The following ACAD11 variants were observed in gnomAD, a reference collection of about 807,000 sequenced individuals.
ACAD11 encodes the protein acyl-CoA dehydrogenase family member 11, also known as acyl-Coenzyme A dehydrogenase family, member 11.
A neutral mutation model predicts 102.2 loss-of-function variants in ACAD11; 83 were observed. The observed-to-expected ratio is 0.81, with a 90% confidence interval of 0.68 to 0.97. ACAD11 has a LOEUF of 0.97. Ranked by LOEUF, ACAD11 falls within the 50% of genes least tolerant of loss-of-function variation. The pLI is 0.00. For missense variants in ACAD11, 901 were observed against 951.7 expected (o/e 0.95, Z 0.70); for synonymous variants, 324 against 319.8 (o/e 1.01, Z -0.14).
intron 5 of ACAD11, 57 bp downstream of exon 5, chr3:132,639,435 T>C: frequency 1.3e-6 from 2 of 1,540,236 alleles, no homozygotes. Context: ...AGCATTTACT[T>C]AGTACTGTGT....
At chr3:132,643,448 G>A (rs1940598351) in intron 2 of ACAD11, among the ~76,000 whole-genome samples, 1 of 152,168 alleles carries the variant, frequency 6.6e-6, no homozygotes, top group Admixed American at 6.5e-5. Flanking sequence ...TAGGACAGAT[G>A]CACAGGCTAT....
At position 132,619,485 on chromosome 3, in the gene ACAD11, C is replaced by G; in HGVS notation, c.1258G>C (p.Val420Leu). 1.3e-6 allele frequency: 2 copies of G among 1,592,162 alleles called. No homozygotes were observed. The highest frequency in any genetic ancestry group is 1.7e-6 in the Non-Finnish European group (2 of 1,171,446). Residue 420 changes from valine to leucine, a missense_variant, in exon 10 of 20, where the codon GTG becomes CTG. By Grantham distance (32) the Val-to-Leu change is conservative. Transcript: ENST00000264990. ...NSVDKWGKPL[V>L]IDKLKEMAKV... is the part of the protein sequence containing the mutation. ...TTTCTTACCTTGAGTTTATCAATCA[C>G]TAAAGGTTTTCCCCACTTGTCCACT... is the stretch of plus-strand genomic sequence containing the variant.
At chr3:132,587,474 T>A (rs974626721) in intron 13 of ACAD11, among the ~76,000 whole-genome samples, 1 of 151,974 alleles carries the variant, frequency 6.6e-6, no homozygotes, top group African/African-American at 2.4e-5. Flanking sequence ...TTATTTTTTA[T>A]GTTTTCTATT....
At chr3:132,641,838 T>G in intron 4 of ACAD11, 134 bp downstream of exon 4, 1 of 736,268 alleles carries the variant, frequency 1.4e-6, no homozygotes, top group Non-Finnish European at 2.1e-6. Flanking sequence ...TAAAAACTAG[T>G]CATTCTGAAG....
rs1238368351 is a variant in ACAD11, at chr3:132,576,953, G to C, written c.1837C>G (p.Leu613Val). 1.1e-5 allele frequency: 18 copies of C among 1,606,616 alleles called. No homozygotes were observed. The highest frequency in any genetic ancestry group is 1.4e-5 in the Non-Finnish European group (17 of 1,173,832). ...FNQVRVPATNLILGEGRGFEI... is the reference protein window; with the variant it reads ...FNQVRVPATNVILGEGRGFEI... Reference sequence around the variant, plus strand: ...TCCAAATTCAACTCACCTAGTATTAGATTTGTGGCAGGAACTCGCACTTGA... The same window carrying C: ...TCCAAATTCAACTCACCTAGTATTACATTTGTGGCAGGAACTCGCACTTGA... The change falls in exon 16 of 20, where the codon CTA becomes GTA. Residue 613 changes from leucine to valine, a missense_variant. Physicochemically the swap from Leu to Val is conservative, Grantham distance 32. Transcript: ENST00000264990.
chr3:132,629,891 A>G (rs1939967098), intron 7 of ACAD11, among the ~76,000 whole-genome samples: 1 of 120,032 alleles, frequency 8.3e-6, no homozygotes, highest in Non-Finnish European at 1.8e-5. Context: ...ATGTAATTAG[A>G]AAAAAACCCT....
intron 7 of ACAD11, among the ~76,000 whole-genome samples, chr3:132,629,439 C>T (rs751596972): frequency 6.6e-6 from 1 of 152,164 alleles, no homozygotes; most frequent in African/African-American, 2.4e-5. Flanking sequence ...GGATTACAGG[C>T]GTGAGCCACC....
At chr3:132,641,694 AAGAG>A (rs1940525151) in intron 4 of ACAD11, among the ~76,000 whole-genome samples, 4 of 135,148 alleles carry the variant, frequency 3.0e-5, no homozygotes, top group African/African-American at 1.2e-4. Context: ...GAGGAAGAGG[AAGAG>A]GAAGAAGAAG....
At chr3:132,623,368 T>C (rs1025839108) in intron 9 of ACAD11, among the ~76,000 whole-genome samples, 1 of 152,184 alleles carries the variant, frequency 6.6e-6, no homozygotes, top group Non-Finnish European at 1.5e-5. Context: ...ATATAGATTT[T>C]TCCCTCTTTG....
chr3:132,559,849 A>G lies in ACAD11; in HGVS notation c.2212T>C (p.Tyr738His). 1 of 1,613,254 alleles carries G rather than the reference A, an allele frequency of 6.2e-7. No individual in the cohort carries two copies. Among genetic ancestry groups the G allele is most frequent in the Non-Finnish European group, 8.5e-7 (1 of 1,179,446 alleles). ...TCTACTCACATGTTAGCCAGAGGGT[A>G]ATCCTGGGAAACACCAGCACCTCCG... is the stretch of plus-strand genomic sequence containing the variant. ...VCGGAGVSQD[Y>H]PLANMYAITR... is the part of the protein sequence containing the mutation. Residue 738 changes from tyrosine (Y) to histidine (H), a missense_variant, in exon 19 of 20, where the codon TAC becomes CAC. Physicochemically the swap from Tyr to His is moderately conservative, Grantham distance 83. Coordinates refer to ENST00000264990, the MANE Select transcript of ACAD11 (RefSeq NM_032169.5).
At chr3:132,644,570 TG>T (rs548947002) in intron 2 of ACAD11, among the ~76,000 whole-genome samples, 174 of 152,248 alleles carry the variant, frequency 1.1e-3, no homozygotes, top group Non-Finnish European at 2.0e-3. Flanking sequence ...ACAAAAGAAC[TG>T]GGTGTTGTTC....
chr3:132,615,067 T>C (rs28800295), intron 11 of ACAD11, among the ~76,000 whole-genome samples: 3 of 151,908 alleles, frequency 2.0e-5, no homozygotes, highest in African/African-American at 7.3e-5. Context: ...AACAAACATA[T>C]GAAAAAAAGC....
At position 132,628,330 on chromosome 3, in the gene ACAD11, T is replaced by G; in HGVS notation, c.1070+10A>C. The G allele has an allele frequency of 6.3e-7, 1 of 1,598,968 alleles. No homozygotes were observed. Among genetic ancestry groups the G allele is most frequent in the Non-Finnish European group, 8.6e-7 (1 of 1,168,580 alleles). Reference sequence around the variant, plus strand: ...TAATTTGAGTTAGCCAAGGAATCTGTTTTCCTTACCGTTTGGAGAGTTGTA... The same window carrying G: ...TAATTTGAGTTAGCCAAGGAATCTGGTTTCCTTACCGTTTGGAGAGTTGTA... On this transcript the variant is annotated intron_variant, in intron 8 of 19. Transcript: ENST00000264990.
chr3:132,576,698 C>T lies in ACAD11; in HGVS notation c.1846+246G>A, dbSNP rs542410306. On this transcript the variant is annotated intron_variant, in intron 16 of 19. Transcript: ENST00000264990. ...CGCCAAACAGAAAACTTTCCCTTGA[C>T]AAATGGAGTAAACAAGAAGGGAAAG... Among the ~76,000 whole-genome samples the T allele has an allele frequency of 1.2e-4, 19 of 152,276 alleles. No homozygotes were observed. In the South Asian group the frequency reaches 3.9e-3, roughly 32 times the overall value.
chr3:132,595,198 T>C (rs911266048), intron 13 of ACAD11, among the ~76,000 whole-genome samples: 2 of 152,020 alleles, frequency 1.3e-5, no homozygotes, highest in Non-Finnish European at 2.9e-5. Context: ...GAAGAGGAAG[T>C]GAGCTTTGCA....
At chr3:132,617,819 G>A (rs1470067731) in intron 11 of ACAD11, among the ~76,000 whole-genome samples, 2 of 151,954 alleles carry the variant, frequency 1.3e-5, no homozygotes, top group African/African-American at 2.4e-5. Context: ...TTATTTTCCT[G>A]GCCACACTGG....
Position 132,578,807 on chromosome 3 carries a change from A to G in ACAD11, c.1763T>C (p.Phe588Ser). ...TATTGGATACCTACCTGTGTAGCCA[A>G]AAACTGACAAAGGCCTTATTATTTT... ...GVKIIRPLSV[F>S]GYTDNFHGGH... Residue 588 changes from phenylalanine to serine, a missense_variant, in exon 15 of 20, where the codon TTT becomes TCT. Physicochemically the swap from Phe to Ser is radical, Grantham distance 155. Transcript: ENST00000264990. 6.2e-7 allele frequency: 1 copy of G among 1,612,880 alleles called. No homozygotes were observed. Among genetic ancestry groups the G allele is most frequent in the Non-Finnish European group, 8.5e-7 (1 of 1,179,428 alleles).
In ACAD11 at chr3:132,659,549, GA is replaced by G. The variant is rs892251969; in HGVS notation, c.149+53del. ...GGAAACCACCCAGGGCCAAAGGAAGGAAAACTCAATGTACAAATTTTTTTCC... is the reference window on the plus strand; with the variant it reads ...GGAAACCACCCAGGGCCAAAGGAAGGAAACTCAATGTACAAATTTTTTTCC... On this transcript the variant is annotated intron_variant, in intron 1 of 19. Transcript: ENST00000264990. 2.5e-6 allele frequency: 4 copies of G among 1,604,974 alleles called. No homozygotes were observed. The African/African-American group carries it at 5.4e-5, about 22-fold the overall frequency.
intron 8 of ACAD11, 134 bp from the exon 9 acceptor site, chr3:132,626,951 T>C: frequency 1.2e-6 from 1 of 819,552 alleles, no homozygotes; most frequent in Middle Eastern, 3.6e-4. Context: ...TATTTTATAT[T>C]TTAAAAAAGT....
Sources: allele counts gnomAD v4.1 joint callset (sites outside exome capture counted in the v4.1 genomes callset), GRCh38; gene constraint gnomAD v4.1.1; transcripts MANE v1.5; gene names NCBI Gene and HGNC (gene_info 2026-07-23, HGNC 2026-07-21).